IGSF9B: variants seen among roughly 807,000 people sequenced by gnomAD.
The protein encoded by IGSF9B is immunoglobulin superfamily member 9B.
IGSF9B carries 48 observed loss-of-function variants against 143.7 expected under a neutral mutation model. The ratio of observed to expected loss-of-function variants is 0.33; its 90% CI spans 0.26 to 0.42. IGSF9B has a LOEUF of 0.42. IGSF9B is among the 20% of genes least tolerant of loss of function. The pLI, the probability that IGSF9B is intolerant of heterozygous loss-of-function variation, is 1.00. For missense variants in IGSF9B, 1,706 were observed against 1,980.0 expected (o/e 0.86, Z 2.63); for synonymous variants, 903 against 833.1 (o/e 1.08, Z -1.44).
chr11:133,900,062 T>C lies in IGSF9B; in HGVS notation c.*9007A>G, dbSNP rs55807834. On this transcript the variant is annotated 3_prime_UTR_variant, in exon 20 of 20. Transcript: ENST00000533871. ...TGCCTGACTGAATGGCAGGGCCTCA[T>C]AGGTCCATGTAAGGATCAAGAGTTA... is the stretch of plus-strand genomic sequence containing the variant. 0.073 allele frequency: 11,120 copies of C among 151,942 alleles called. 533 individuals are homozygous for C. Among genetic ancestry groups the C allele is most frequent in the Non-Finnish European group, 0.1 (7,084 of 67,908 alleles). 9.4% of individuals were successfully genotyped at this position (151,942 alleles called of 1,614,324 possible).
chr11:133,940,655 AAC>A (rs1288335772), intron 3 of IGSF9B, among the ~76,000 whole-genome samples: 2 of 140,156 alleles, frequency 1.4e-5, no homozygotes, highest in East Asian at 2.2e-4. Flanking sequence ...CACACGCAAA[AAC>A]ATACACCTCG....
Position 133,902,959 on chromosome 11 carries a change from G to GT in IGSF9B, c.*6109dup, listed in dbSNP as rs1565410172. Among the ~76,000 whole-genome samples, 1 of 151,766 alleles carries GT rather than the reference G, an allele frequency of 6.6e-6. No individual in the cohort carries two copies. The highest frequency in any genetic ancestry group is 2.4e-5 in the African/African-American group (1 of 41,278). ...CATGGCTTATATGAAAACCCCACAC[G>GT]TGCATGCCCGCAGCATTTCTAAGGC... On this transcript the variant is annotated 3_prime_UTR_variant, in exon 20 of 20. Coordinates refer to ENST00000533871, the MANE Select transcript of IGSF9B (RefSeq NM_001277285.4).
At chr11:133,932,028 G>T (rs750909077) in intron 8 of IGSF9B, 43 bp downstream of exon 8, 39 of 1,586,618 alleles carry the variant, frequency 2.5e-5, no homozygotes, top group Non-Finnish European at 8.6e-7. Context: ...ACAGTACTGG[G>T]GGGAGCCCTC....
chr11:133,912,692 T>C (rs752402308), intron 18 of IGSF9B, among the ~76,000 whole-genome samples: 2 of 152,186 alleles, frequency 1.3e-5, no homozygotes, highest in East Asian at 3.8e-4. Flanking sequence ...TGGCAGGAGA[T>C]AACAGCAGAA....
intron 3 of IGSF9B, among the ~76,000 whole-genome samples, chr11:133,940,526 C>T (rs1156278321): frequency 1.4e-5 from 2 of 142,614 alleles, no homozygotes; most frequent in Non-Finnish European, 3.0e-5. Context: ...TCATCACATG[C>T]AAAAACACAC....
intron 7 of IGSF9B, among the ~76,000 whole-genome samples, chr11:133,933,653 C>T (rs1035278131): frequency 1.1e-4 from 17 of 152,256 alleles, no homozygotes; most frequent in Middle Eastern, 3.4e-3. Flanking sequence ...GAAGTTGAAG[C>T]GGGAGGATCA....
intron 11 of IGSF9B, among the ~76,000 whole-genome samples, chr11:133,930,263 T>C (rs1400584352): frequency 1.3e-5 from 2 of 152,166 alleles, no homozygotes; most frequent in Non-Finnish European, 2.9e-5. Context: ...GACCCACTAC[T>C]TCTTAGCGAT....
At chr11:133,929,339 C>T (rs1332733697) in intron 12 of IGSF9B, among the ~76,000 whole-genome samples, 7 of 152,194 alleles carry the variant, frequency 4.6e-5, no homozygotes, top group African/African-American at 1.4e-4. Flanking sequence ...TCACAAAGCC[C>T]TTGAAGGGCA....
chr11:133,911,802 T>C, intron 19 of IGSF9B, 84 bp downstream of exon 19: 1 of 1,349,716 alleles, frequency 7.4e-7, no homozygotes. Context: ...CCAATAACCC[T>C]CCTGACAACG....
rs1169217364 is a variant in IGSF9B at position 133,901,991 on chromosome 11, AT to A, written c.*7077del. On this transcript the variant is annotated 3_prime_UTR_variant, in exon 20 of 20. Transcript: ENST00000533871. ...CATCACACACATGCACACCAGACAC[AT>A]CACACACACACACACACCAGACATA... is the stretch of plus-strand genomic sequence containing the variant. 5.5e-5 allele frequency among the ~76,000 whole-genome samples: 7 copies of A among 126,468 alleles called. No homozygotes were observed. The highest frequency in any genetic ancestry group is 2.0e-4 in the African/African-American group (6 of 29,570). 83.0% of individuals were successfully genotyped at this position (126,468 alleles called of 152,430 possible). A position where few individuals can be genotyped will look rare whatever the true frequency, so the allele number is the denominator to read the frequency against.
chr11:133,929,314 T>C (rs1246969560), intron 12 of IGSF9B, among the ~76,000 whole-genome samples: 1 of 152,170 alleles, frequency 6.6e-6, no homozygotes, highest in Non-Finnish European at 1.5e-5. Context: ...ACTCTACACT[T>C]AAGGCTGGGC....
In IGSF9B at chr11:133,931,946, C is replaced by G; in HGVS notation, c.1110+125G>C. 6.7e-7 allele frequency: 1 copy of G among 1,485,630 alleles called. No homozygotes were observed. The highest frequency in any genetic ancestry group is 2.4e-5 in the East Asian group (1 of 42,258). 92.0% of individuals were successfully genotyped at this position (1,485,630 alleles called of 1,614,324 possible). ...CACCCGCAGACCCCTACAGAAGCAG[C>G]TCTCTGTTTGCCCAGGGCTTTTGGA... On this transcript the variant is annotated intron_variant, in intron 8 of 19. Transcript: ENST00000533871. This position sits in a 1 kb window ranked among gnomAD's most constrained non-coding sequence, Gnocchi z 7.7.
chr11:133,904,803 C>T lies in IGSF9B; in HGVS notation c.*4266G>A, dbSNP rs888834359. ...CACCTGGCAAAGCACACAGGCCTCC[C>T]CTCCACCCTCCAGTTCTCCAACTCC... On this transcript the variant is annotated 3_prime_UTR_variant, in exon 20 of 20. Transcript: ENST00000533871. Among the ~76,000 whole-genome samples, 2 of 151,780 alleles carry T rather than the reference C, an allele frequency of 1.3e-5. No individual in the cohort carries two copies. Among genetic ancestry groups the T allele is most frequent in the African/African-American group, 2.4e-5 (1 of 41,274 alleles).
At position 133,956,861 on chromosome 11, in the gene IGSF9B, G is replaced by A; in HGVS notation, c.-107C>T. ...CTCGCGCCCGCCTCGCGCCGCCTAC[G>A]CCCCGCGCCGGTGCTCCTGCAGCCC... On this transcript the variant is annotated 5_prime_UTR_variant, in exon 1 of 20. Coordinates refer to ENST00000533871, the MANE Select transcript of IGSF9B (RefSeq NM_001277285.4). The A allele has an allele frequency of 1.7e-6, 1 of 576,440 alleles. No individual in the cohort carries two copies. 35.7% of individuals were successfully genotyped at this position (576,440 alleles called of 1,614,324 possible). A position where few individuals can be genotyped will look rare whatever the true frequency, so the allele number is the denominator to read the frequency against.
rs1939668480 is a variant in IGSF9B at position 133,928,454 on chromosome 11, C to T, written c.1631+1217G>A. 6.6e-6 allele frequency among the ~76,000 whole-genome samples: 1 copy of T among 152,210 alleles called. No homozygotes were observed. The highest frequency in any genetic ancestry group is 2.1e-4 in the South Asian group (1 of 4,828). ...ACAGAGCGGGTGCCCCTCTCAACTT[C>T]CCTCGCTGCTGAGAAGTGGATAAAG... On this transcript the variant is annotated intron_variant, in intron 12 of 19. Transcript: ENST00000533871. The surrounding 1 kb of genome is among the most constrained non-coding windows in gnomAD (Gnocchi z 4.7).
At chr11:133,951,658 C>T (rs899037054) in intron 1 of IGSF9B, among the ~76,000 whole-genome samples, 7 of 152,354 alleles carry the variant, frequency 4.6e-5, no homozygotes, top group Non-Finnish European at 1.0e-4. Flanking sequence ...TTTAATGGCT[C>T]CTCAGCAGAG....
At position 133,906,373 on chromosome 11, in the gene IGSF9B, G is replaced by A. The variant is rs1939210835; in HGVS notation, c.*2696C>T. ...TGCAGGAGGGCTGCTGGCCTCCGAG[G>A]ACACTGTCACAGGAGGAAGCCCTCA... On this transcript the variant is annotated 3_prime_UTR_variant, in exon 20 of 20. Coordinates refer to ENST00000533871, the MANE Select transcript of IGSF9B (RefSeq NM_001277285.4). 6.6e-6 allele frequency among the ~76,000 whole-genome samples: 1 copy of A among 152,136 alleles called. No individual in the cohort carries two copies. Among genetic ancestry groups the A allele is most frequent in the African/African-American group, 2.4e-5 (1 of 41,348 alleles).
rs1939265920 is a variant in IGSF9B, at chr11:133,909,366, T to C, written c.4106-89A>G. Reference sequence around the variant, plus strand: ...GCTCACCTTTTCCACCTGCATTTGTTCCGGGTTTCTAATGTTGAAACAAAG... The same window carrying C: ...GCTCACCTTTTCCACCTGCATTTGTCCCGGGTTTCTAATGTTGAAACAAAG... On this transcript the variant is annotated intron_variant, in intron 19 of 19. Transcript: ENST00000533871. The surrounding 1 kb of genome is among the most constrained non-coding windows in gnomAD (Gnocchi z 4.2). The C allele has an allele frequency of 9.4e-7, 1 of 1,058,294 alleles. No individual in the cohort carries two copies. The highest frequency in any genetic ancestry group is 2.6e-5 in the East Asian group (1 of 38,516). 65.6% of individuals were successfully genotyped at this position (1,058,294 alleles called of 1,614,324 possible).
intron 1 of IGSF9B, among the ~76,000 whole-genome samples, chr11:133,954,476 C>G (rs1332235304): frequency 2.0e-5 from 3 of 152,056 alleles, no homozygotes; most frequent in Non-Finnish European, 4.4e-5. Context: ...CTGAATGGCC[C>G]AAGGGAAAGA....
Sources: gnomAD v4.1 joint callset for allele counts (sites outside exome capture counted in the v4.1 genomes callset) on GRCh38, gnomAD v4.1.1 for gene constraint, Gnocchi (gnomAD v3.1) non-coding constraint, MANE v1.5 for transcripts, NCBI Gene and HGNC (gene_info 2026-07-23, HGNC 2026-07-21) for gene names.